Variants in NOL4 observed in about 807,000 individuals in gnomAD.
The protein encoded by NOL4 is nucleolar protein 4, also known as cancer/testis antigen 125.
NOL4 carries 17 observed loss-of-function variants against 75.9 expected under a neutral mutation model. That is an observed-to-expected ratio of 0.22 (90% CI 0.15 to 0.34). The LOEUF is 0.34. NOL4 is among the 10% of genes least tolerant of loss of function. The probability of loss-of-function intolerance (pLI) is 1.00; values close to 1 mark genes in which losing one functional copy is unlikely to be tolerated. For missense variants in NOL4, 614 were observed against 793.5 expected (o/e 0.77, Z 2.72); for synonymous variants, 292 against 289.9 (o/e 1.01, Z -0.07).
At chr18:33,915,483 G>A (rs1275616367) in intron 9 of NOL4, among the ~76,000 whole-genome samples, 1 of 152,084 alleles carries the variant, frequency 6.6e-6, no homozygotes, top group African/African-American at 2.4e-5. Flanking sequence ...AGAATCCAGT[G>A]TAAAGGGGAA....
At chr18:34,024,215 A>ATAT (rs1491509605) in intron 5 of NOL4, among the ~76,000 whole-genome samples, 2 of 127,530 alleles carry the variant, frequency 1.6e-5, no homozygotes, top group African/African-American at 2.8e-5. Context: ...ATATATATAT[A>ATAT]AAATCCTCAT....
intron 6 of NOL4, among the ~76,000 whole-genome samples, chr18:33,983,263 T>TAAG (rs930333734): frequency 1.3e-5 from 2 of 152,116 alleles, no homozygotes; most frequent in Non-Finnish European, 2.9e-5. Context: ...TACTATAATA[T>TAAG]AAGTATACAC....
At chr18:34,122,262 C>T (rs1475454850) in intron 2 of NOL4, among the ~76,000 whole-genome samples, 1 of 152,054 alleles carries the variant, frequency 6.6e-6, no homozygotes, top group African/African-American at 2.4e-5. Flanking sequence ...TAGGTAAAAG[C>T]TGGTTCTTTA....
chr18:33,886,479 G>A (rs894799542), intron 9 of NOL4, among the ~76,000 whole-genome samples: 58 of 148,114 alleles, frequency 3.9e-4, no homozygotes, highest in African/African-American at 1.4e-3. Flanking sequence ...AGTGAGCCAA[G>A]ATCATGCCAC....
At chr18:33,962,432 G>A (rs1302688050) in intron 6 of NOL4, among the ~76,000 whole-genome samples, 1 of 152,146 alleles carries the variant, frequency 6.6e-6, no homozygotes, top group Non-Finnish European at 1.5e-5. Flanking sequence ...TACCAACAAA[G>A]TAAAATGATA....
In NOL4 at chr18:33,957,208, T is replaced by C. The variant is rs191731951; in HGVS notation, c.1428+118A>G. 7.7e-6 allele frequency: 6 copies of C among 774,458 alleles called. No homozygotes were observed. The Admixed American group carries it at 1.8e-4, about 24-fold the overall frequency. The allele number at this position is 774,458 out of a possible 1,614,324, so 48.0% of individuals were successfully genotyped here. ...AACAAACGAGCAAACAAAACCCCCTTTGACCTGACATTATGGAAAAAAATA... is the reference window on the plus strand; with the variant it reads ...AACAAACGAGCAAACAAAACCCCCTCTGACCTGACATTATGGAAAAAAATA... On this transcript the variant is annotated intron_variant, in intron 8 of 10. Transcript: ENST00000261592.
intron 8 of NOL4, among the ~76,000 whole-genome samples, chr18:33,947,912 G>A (rs1167784729): frequency 6.6e-6 from 1 of 151,888 alleles, no homozygotes; most frequent in Non-Finnish European, 1.5e-5. Context: ...TGTAATTGCT[G>A]TTGGCATGAT....
intron 1 of NOL4, among the ~76,000 whole-genome samples, chr18:34,162,293 CGAG>C (rs2031614465): frequency 6.6e-6 from 1 of 152,012 alleles, no homozygotes; most frequent in African/African-American, 2.4e-5. Context: ...ATTAATGAAT[CGAG>C]GAGATGGTTT....
intron 9 of NOL4, among the ~76,000 whole-genome samples, chr18:33,908,339 C>G (rs2066188088): frequency 6.6e-6 from 1 of 152,174 alleles, no homozygotes; most frequent in African/African-American, 2.4e-5. Context: ...GATTTCAACA[C>G]TGACATTAGG....
At chr18:33,950,138 C>A (rs2069112161) in intron 8 of NOL4, among the ~76,000 whole-genome samples, 1 of 151,738 alleles carries the variant, frequency 6.6e-6, no homozygotes, top group Non-Finnish European at 1.5e-5. Context: ...ATTAATATCA[C>A]TACCTATTCC....
At chr18:34,020,209 C>T (rs925898443) in intron 5 of NOL4, among the ~76,000 whole-genome samples, 4 of 151,336 alleles carry the variant, frequency 2.6e-5, no homozygotes, top group Non-Finnish European at 5.9e-5. Context: ...CACATTTAGG[C>T]ACAATAAGTG....
intron 4 of NOL4, among the ~76,000 whole-genome samples, chr18:34,099,442 T>C (rs183337213): frequency 1.2e-4 from 18 of 150,920 alleles, no homozygotes; most frequent in Admixed American, 6.0e-4. Context: ...GACCTGTCAC[T>C]TTCATGAACT....
At chr18:34,198,755 G>T (rs531444202) in intron 1 of NOL4, among the ~76,000 whole-genome samples, 1 of 151,822 alleles carries the variant, frequency 6.6e-6, no homozygotes, top group Admixed American at 6.6e-5. Context: ...AACAAGAATT[G>T]AATGAAAATA....
chr18:33,853,213 C>T (rs373323633), intron 10 of NOL4, among the ~76,000 whole-genome samples, 178 bp from the exon 11 acceptor site: 143 of 152,172 alleles, frequency 9.4e-4, no homozygotes, highest in African/African-American at 3.2e-3. Flanking sequence ...TAATGGTAAC[C>T]GAGTGGCTTC....
intron 9 of NOL4, among the ~76,000 whole-genome samples, chr18:33,895,978 C>G (rs1352311162): frequency 6.6e-6 from 1 of 151,982 alleles, no homozygotes; most frequent in Non-Finnish European, 1.5e-5. Context: ...AATCAATGTA[C>G]AAAACACTAG....
chr18:34,066,442 C>A (rs1314237863), intron 5 of NOL4, among the ~76,000 whole-genome samples: 1 of 151,722 alleles, frequency 6.6e-6, no homozygotes, highest in African/African-American at 2.4e-5. Context: ...TACAATATAG[C>A]CTTAAATTTG....
At chr18:33,945,372 G>A (rs8084683) in intron 8 of NOL4, among the ~76,000 whole-genome samples, 23,445 of 151,462 alleles carry the variant, frequency 0.15, 2,252 homozygotes, top group East Asian at 0.39. Flanking sequence ...ATACATAAAA[G>A]TTCGTTTAAC....
At chr18:34,138,530 A>G (rs2080998094) in intron 1 of NOL4, among the ~76,000 whole-genome samples, 1 of 152,238 alleles carries the variant, frequency 6.6e-6, no homozygotes, top group Non-Finnish European at 1.5e-5. Context: ...TTCCAAAATT[A>G]GAGGATGGTG....
rs181416645 is a variant in NOL4 at position 33,859,145 on chromosome 18, G to A, written c.1724-6110C>T. ...TTTTCACTTATTCTATTGTCTTTGG[G>A]TTTTCTCTGTTTTGACTTCTCAGGT... On this transcript the variant is annotated intron_variant, in intron 10 of 10. Coordinates refer to ENST00000261592, the MANE Select transcript of NOL4 (RefSeq NM_003787.5). 7.9e-5 allele frequency among the ~76,000 whole-genome samples: 12 copies of A among 151,582 alleles called. No individual in the cohort carries two copies. The South Asian group carries it at 1.3e-3, about 16-fold the overall frequency.
Sources: gnomAD v4.1 joint callset for allele counts (sites outside exome capture counted in the v4.1 genomes callset) on GRCh38, gnomAD v4.1.1 for gene constraint, MANE v1.5 for transcripts, NCBI Gene and HGNC (gene_info 2026-07-23, HGNC 2026-07-21) for gene names.